The following SUPT3H variants were observed in gnomAD, a reference collection of about 807,000 sequenced individuals.
SUPT3H encodes the protein transcription initiation protein SPT3 homolog.
In SUPT3H, 44 loss-of-function variants were observed where a neutral mutation model predicts 44.3. The ratio of observed to expected loss-of-function variants is 0.99; its 90% CI spans 0.78 to 1.28. SUPT3H has a LOEUF of 1.28. Among genes scored for constraint, SUPT3H ranks in the 50% most tolerant of loss-of-function variants. The probability of loss-of-function intolerance (pLI) is 0.00; values close to 1 mark genes in which losing one functional copy is unlikely to be tolerated. For synonymous variants in SUPT3H, 124 were observed against 125.6 expected, an observed-to-expected ratio of 0.99 and a Z score of 0.09; for missense variants, 380 against 387.1, an observed-to-expected ratio of 0.98 and a Z score of 0.15.
At chr6:45,068,470 AT>A (rs1433859085) in intron 3 of SUPT3H, among the ~76,000 whole-genome samples, 1 of 151,644 alleles carries the variant, frequency 6.6e-6, no homozygotes, top group African/African-American at 2.4e-5. Flanking sequence ...TAATAAAAAA[AT>A]AAAAAAAAAA....
intron 6 of SUPT3H, among the ~76,000 whole-genome samples, chr6:44,979,297 A>T (rs1382334981): frequency 6.6e-6 from 1 of 152,204 alleles, no homozygotes; most frequent in Non-Finnish European, 1.5e-5. Context: ...AGAATTTAAG[A>T]GACAAGAAAC....
intron 3 of SUPT3H, among the ~76,000 whole-genome samples, chr6:45,094,929 G>A (rs146662181): frequency 0.018 from 2,806 of 152,066 alleles, 91 homozygotes; most frequent in African/African-American, 0.063. Flanking sequence ...AACTCTGTAC[G>A]CATATGTGAC....
chr6:45,124,175 G>A (rs1802068212), intron 2 of SUPT3H, among the ~76,000 whole-genome samples: 1 of 152,056 alleles, frequency 6.6e-6, no homozygotes, highest in Admixed American at 6.5e-5. Context: ...AAGTATTTGA[G>A]TAAGAGCTTG....
chr6:45,119,404 G>T (rs76147022), intron 2 of SUPT3H, among the ~76,000 whole-genome samples: 2,656 of 152,196 alleles, frequency 0.017, 50 homozygotes, highest in South Asian at 0.085. Flanking sequence ...GGAAGAGAAG[G>T]TATGAGGACG....
chr6:44,992,234 GAACA>G (rs549936834), intron 6 of SUPT3H, among the ~76,000 whole-genome samples: 285 of 152,210 alleles, frequency 1.9e-3, no homozygotes, highest in African/African-American at 6.7e-3. Context: ...ATTTTAAAAA[GAACA>G]AACTGAAATT....
intron 3 of SUPT3H, among the ~76,000 whole-genome samples, chr6:45,088,880 ATACTGAACTAT>A (rs1451181406): frequency 9.2e-5 from 14 of 152,220 alleles, no homozygotes; most frequent in African/African-American, 3.4e-4. Flanking sequence ...ATTTATACCC[ATACTGAACTAT>A]TGTTTACAGG....
chr6:45,341,557 T>C (rs1365333458), intron 2 of SUPT3H, among the ~76,000 whole-genome samples: 1 of 152,198 alleles, frequency 6.6e-6, no homozygotes, highest in Non-Finnish European at 1.5e-5. Context: ...TTAGTTTTCA[T>C]TAGAAACATC....
intron 2 of SUPT3H, among the ~76,000 whole-genome samples, chr6:45,244,791 T>C (rs1771041128): frequency 6.6e-6 from 1 of 152,162 alleles, no homozygotes; most frequent in Admixed American, 6.5e-5. Flanking sequence ...CACATGTTCA[T>C]TCCCTTCTCC....
intron 2 of SUPT3H, among the ~76,000 whole-genome samples, chr6:45,141,617 T>C (rs1386952661): frequency 6.7e-6 from 1 of 148,708 alleles, no homozygotes; most frequent in Non-Finnish European, 1.5e-5. Flanking sequence ...CTTCAGAGCA[T>C]GAAGACAAGG....
chr6:45,016,437 C>T (rs1367416215), intron 4 of SUPT3H, among the ~76,000 whole-genome samples: 1 of 150,912 alleles, frequency 6.6e-6, no homozygotes, highest in African/African-American at 2.4e-5. Context: ...TGCTGGTGTG[C>T]TGCACCCATT....
At chr6:44,944,184 G>A (rs1420758722) in intron 9 of SUPT3H, among the ~76,000 whole-genome samples, 1 of 151,968 alleles carries the variant, frequency 6.6e-6, no homozygotes, top group East Asian at 1.9e-4. Context: ...TTTTATGTGA[G>A]TTAAACAGTG....
Position 45,128,589 on chromosome 6 carries a change from C to CAT in SUPT3H, c.102-22585_102-22584dup, listed in dbSNP as rs1183547786. ...ACACACACACACACACACACATACA[C>CAT]ATATATATATATACACACATACACA... On this transcript the variant is annotated intron_variant, in intron 2 of 10. Transcript: ENST00000371459. 8.6e-4 allele frequency among the ~76,000 whole-genome samples: 102 copies of CAT among 118,166 alleles called. 1 individual carries two copies. Among genetic ancestry groups the CAT allele is most frequent in the East Asian group, 1.8e-3 (7 of 3,826 alleles). 77.5% of individuals were successfully genotyped at this position (118,166 alleles called of 152,430 possible). A position where few individuals can be genotyped will look rare whatever the true frequency, so the allele number is the denominator to read the frequency against.
intron 3 of SUPT3H, among the ~76,000 whole-genome samples, chr6:45,075,305 C>T (rs752613766): frequency 2.2e-4 from 33 of 152,086 alleles, no homozygotes; most frequent in Admixed American, 5.9e-4. Flanking sequence ...CAACAGTGGC[C>T]CTAATACCAG....
chr6:45,067,159 C>T (rs1229532962), intron 3 of SUPT3H, among the ~76,000 whole-genome samples: 1 of 141,308 alleles, frequency 7.1e-6, no homozygotes, highest in Non-Finnish European at 1.5e-5. Context: ...AATAACGCCG[C>T]ATATCTACAA....
chr6:44,849,375 C>T (rs1477452740), intron 10 of SUPT3H, among the ~76,000 whole-genome samples: 6 of 150,736 alleles, frequency 4.0e-5, no homozygotes, highest in South Asian at 2.1e-4. Context: ...TACAGGCGCC[C>T]GCCACTACGC....
At chr6:44,895,641 T>C (rs1582310415) in intron 10 of SUPT3H, among the ~76,000 whole-genome samples, 1 of 152,136 alleles carries the variant, frequency 6.6e-6, no homozygotes, top group East Asian at 1.9e-4. Context: ...ACAATGTTTG[T>C]ATTGTCTGGG....
At chr6:45,288,968 CATT>C (rs891818418) in intron 2 of SUPT3H, among the ~76,000 whole-genome samples, 15 of 151,978 alleles carry the variant, frequency 9.9e-5, no homozygotes, top group African/African-American at 3.6e-4. Flanking sequence ...AGGTGACAAA[CATT>C]ATACAGTGTC....
At chr6:45,274,280 C>T (rs1389199315) in intron 2 of SUPT3H, among the ~76,000 whole-genome samples, 1 of 152,146 alleles carries the variant, frequency 6.6e-6, no homozygotes, top group African/African-American at 2.4e-5. Context: ...AATACAAAAA[C>T]TTTTAATTAC....
intron 2 of SUPT3H, among the ~76,000 whole-genome samples, chr6:45,286,928 T>C (rs565235402): frequency 1.3e-5 from 2 of 152,142 alleles, no homozygotes; most frequent in African/African-American, 4.8e-5. Flanking sequence ...AATGATGAGT[T>C]CATGTCCTTT....
Sources: gnomAD v4.1 joint callset for allele counts (sites outside exome capture counted in the v4.1 genomes callset) on GRCh38, gnomAD v4.1.1 for gene constraint, MANE v1.5 for transcripts, NCBI Gene and HGNC (gene_info 2026-07-23, HGNC 2026-07-21) for gene names.